The following SLCO1B1 variants were observed in gnomAD, a reference collection of about 807,000 sequenced individuals.
The protein encoded by SLCO1B1 is solute carrier organic anion transporter family member 1B1, also known as OATP-2.
In SLCO1B1, 81 loss-of-function variants were observed where a neutral mutation model predicts 70.1. The ratio of observed to expected loss-of-function variants is 1.16; its 90% CI spans 0.97 to 1.39. The LOEUF (loss-of-function observed/expected upper bound fraction) is 1.39, where lower values mean the gene tolerates loss of function less well. Among genes scored for constraint, SLCO1B1 ranks in the 40% most tolerant of loss-of-function variants. The probability of loss-of-function intolerance (pLI) is 0.00; values close to 1 mark genes in which losing one functional copy is unlikely to be tolerated. For missense variants in SLCO1B1, 895 were observed against 799.6 expected (o/e 1.12, Z -1.44); for synonymous variants, 283 against 271.5 (o/e 1.04, Z -0.42).
In SLCO1B1 at chr12:21,145,635, G is replaced by A. The variant is rs143055986; in HGVS notation, c.84+3977G>A. Among the ~76,000 whole-genome samples, 74 of 151,796 alleles carry A rather than the reference G, an allele frequency of 4.9e-4. No individual in the cohort carries two copies. The East Asian group carries it at 0.014, about 29-fold the overall frequency. On this transcript the variant is annotated intron_variant, in intron 2 of 14. Transcript: ENST00000256958. The stretch of plus-strand genomic sequence containing the variant: ...CATCTGGAAGCTGTTTCTTTTTAAA[G>A]TGACTACATTAATTTACTTGATCAC...
intron 11 of SLCO1B1, among the ~76,000 whole-genome samples, chr12:21,207,670 T>C (rs1392914117): frequency 6.6e-6 from 1 of 152,058 alleles, no homozygotes; most frequent in Admixed American, 6.6e-5. Flanking sequence ...GGTAGTGGGA[T>C]TGCTGAGTTG....
chr12:21,209,637 G>A (rs1342150427), intron 11 of SLCO1B1, among the ~76,000 whole-genome samples: 2 of 151,946 alleles, frequency 1.3e-5, no homozygotes, highest in East Asian at 3.9e-4. Flanking sequence ...TCGCCACACT[G>A]ACTTCCACAA....
At chr12:21,221,745 A>C (rs1430942073) in intron 12 of SLCO1B1, among the ~76,000 whole-genome samples, 1 of 152,144 alleles carries the variant, frequency 6.6e-6, no homozygotes, top group Non-Finnish European at 1.5e-5. Flanking sequence ...CCATTACTAA[A>C]AAGTCAAAAA....
At chr12:21,199,626 AT>A (rs1429800139) in intron 8 of SLCO1B1, among the ~76,000 whole-genome samples, 1 of 152,142 alleles carries the variant, frequency 6.6e-6, no homozygotes, top group East Asian at 1.9e-4. Context: ...ATCTTTAAGA[AT>A]TTTGAACCTC....
intron 3 of SLCO1B1, among the ~76,000 whole-genome samples, 157 bp downstream of exon 3, chr12:21,172,948 G>C (rs1940774305): frequency 6.6e-6 from 1 of 152,106 alleles, no homozygotes; most frequent in African/African-American, 2.4e-5. Flanking sequence ...CAGGGGTTGG[G>C]GGCAATGGAA....
At position 21,205,907 on chromosome 12, in the gene SLCO1B1, T is replaced by A; in HGVS notation, c.1371T>A (p.Ser457=). 6.2e-7 allele frequency: 1 copy of A among 1,610,982 alleles called. No individual in the cohort carries two copies. The highest frequency in any genetic ancestry group is 8.5e-7 in the Non-Finnish European group (1 of 1,177,584). The change falls in exon 11 of 15, where the codon TCT becomes TCA. Residue 457 remains serine (S), a synonymous_variant. Coordinates refer to ENST00000256958, the MANE Select transcript of SLCO1B1 (RefSeq NM_006446.5). ...CATCTCATAGAGATGTACCACTTTC[T>A]TATTGCAACTCAGACTGCAATTGTG... The part of the protein sequence containing the change: ...PVTSHRDVPL[S]YCNSDCNCDE...
intron 11 of SLCO1B1, among the ~76,000 whole-genome samples, chr12:21,207,657 C>G (rs1941230170): frequency 6.6e-6 from 1 of 151,884 alleles, no homozygotes; most frequent in South Asian, 2.1e-4. Flanking sequence ...TGGGTATATA[C>G]CCGGTAGTGG....
intron 2 of SLCO1B1, among the ~76,000 whole-genome samples, chr12:21,142,746 A>G (rs1940329147): frequency 3.3e-5 from 5 of 152,094 alleles, no homozygotes. Flanking sequence ...AGGATAATAT[A>G]ATGTACTGAA....
chr12:21,223,925 C>T (rs1001648495), intron 13 of SLCO1B1, among the ~76,000 whole-genome samples: 1 of 152,130 alleles, frequency 6.6e-6, no homozygotes, highest in Non-Finnish European at 1.5e-5. Flanking sequence ...ACATATCTGT[C>T]TGTGAAAAGC....
intron 2 of SLCO1B1, among the ~76,000 whole-genome samples, chr12:21,142,130 A>G (rs1940318911): frequency 6.6e-6 from 1 of 151,686 alleles, no homozygotes; most frequent in South Asian, 2.1e-4. Context: ...AGGCTCATGG[A>G]ACGGAGGTCT....
chr12:21,204,383 A>G (rs1941190164), intron 10 of SLCO1B1, among the ~76,000 whole-genome samples: 1 of 151,920 alleles, frequency 6.6e-6, no homozygotes, highest in African/African-American at 2.4e-5. Flanking sequence ...ACTTTTGTGT[A>G]TTAAAATTTT....
chr12:21,224,224 T>C (rs931712277), intron 13 of SLCO1B1, among the ~76,000 whole-genome samples: 3 of 151,968 alleles, frequency 2.0e-5, no homozygotes, highest in Non-Finnish European at 4.4e-5. Flanking sequence ...CCTATACTTA[T>C]CTGGGGAGGG....
chr12:21,220,542 C>G (rs886970532), intron 12 of SLCO1B1, among the ~76,000 whole-genome samples: 1 of 151,928 alleles, frequency 6.6e-6, no homozygotes, highest in East Asian at 1.9e-4. Flanking sequence ...GGACTGAGTA[C>G]AGATAGAAAC....
intron 1 of SLCO1B1, among the ~76,000 whole-genome samples, chr12:21,134,920 G>A: frequency 6.6e-6 from 1 of 152,090 alleles, no homozygotes; most frequent in East Asian, 1.9e-4. Context: ...TTTTAATTGT[G>A]ATGTTGGGGT....
chr12:21,174,709 A>G lies in SLCO1B1; in HGVS notation c.359A>G (p.Tyr120Cys). Residue 120 changes from tyrosine to cysteine, a missense_variant and splice_region_variant, in exon 4 of 15, where the codon TAT becomes TGT. Transcript: ENST00000256958. ...GCTTTGCCACATTTCTTCATGGGAT[A>G]GTAAGTGTTAAAAAAAAAAAAAACC... ...LTALPHFFMGYYRYSKETNIN... is the reference protein window; with the variant it reads ...LTALPHFFMGCYRYSKETNIN... 1 of 1,583,768 alleles carries G rather than the reference A, an allele frequency of 6.3e-7. No individual in the cohort carries two copies. The highest frequency in any genetic ancestry group is 1.1e-5 in the South Asian group (1 of 88,456).
Position 21,153,121 on chromosome 12 carries a change from C to T in SLCO1B1, c.84+11463C>T, listed in dbSNP as rs543793147. ...TTGTCTCTCCAATCTTGAAGGCAGT[C>T]GATTGCCATTGGTCCTCACCTCTTT... On this transcript the variant is annotated intron_variant, in intron 2 of 14. Transcript: ENST00000256958. Among the ~76,000 whole-genome samples the T allele has an allele frequency of 3.4e-4, 52 of 152,236 alleles. 1 individual carries two copies. The South Asian group carries it at 0.01, about 30-fold the overall frequency.
intron 7 of SLCO1B1, among the ~76,000 whole-genome samples, chr12:21,184,646 T>C (rs1488758321): frequency 6.6e-6 from 1 of 152,082 alleles, no homozygotes; most frequent in Non-Finnish European, 1.5e-5. Flanking sequence ...GATTAATACT[T>C]GCCACAACAA....
chr12:21,186,249 T>C (rs916437864), intron 7 of SLCO1B1, among the ~76,000 whole-genome samples: 1 of 152,144 alleles, frequency 6.6e-6, no homozygotes, highest in African/African-American at 2.4e-5. Context: ...GATGTACTAT[T>C]AAAGCATAAC....
At chr12:21,212,952 G>A (rs1044631188) in intron 11 of SLCO1B1, among the ~76,000 whole-genome samples, 10 of 151,842 alleles carry the variant, frequency 6.6e-5, no homozygotes, top group Admixed American at 4.6e-4. Flanking sequence ...TTGAGCCTAT[G>A]TGTGTCTCTG....
Sources: allele counts gnomAD v4.1 joint callset (sites outside exome capture counted in the v4.1 genomes callset), GRCh38; gene constraint gnomAD v4.1.1; transcripts MANE v1.5; gene names NCBI Gene and HGNC (gene_info 2026-07-23, HGNC 2026-07-21).